The following ADCY7 variants were observed in gnomAD, a reference collection of about 807,000 sequenced individuals.
ADCY7 encodes the protein adenylate cyclase 7, also known as adenylate cyclase type 7.
A neutral mutation model predicts 120.6 loss-of-function variants in ADCY7; 72 were observed. The ratio of observed to expected loss-of-function variants is 0.60; its 90% CI spans 0.49 to 0.73. The LOEUF (loss-of-function observed/expected upper bound fraction) is 0.73. ADCY7 is among the 30% of genes least tolerant of loss of function. The pLI is 0.00. For synonymous variants in ADCY7, 661 were observed against 628.0 expected (o/e 1.05, Z -0.78); for missense variants, 1,227 against 1,486.0 (o/e 0.83, Z 2.87).
chr16:50,308,545 G>A (rs1046219035), intron 16 of ADCY7, 122 bp from the exon 17 acceptor site: 40 of 1,550,692 alleles, frequency 2.6e-5, no homozygotes, highest in Admixed American at 1.3e-4. Flanking sequence ...CTCCTGCCTC[G>A]GGGACAATTT....
chr16:50,268,655 G>T lies in ADCY7; in HGVS notation c.-269+1975G>T, dbSNP rs116894524. ...GAAGGTGGTATTGCAGAACATCTTT[G>T]CCAGGAGTAGGTCTGGGAGGTTTGC... On this transcript the variant is annotated intron_variant, in intron 1 of 25. Transcript: ENST00000673801. Among the ~76,000 whole-genome samples, 638 of 152,286 alleles carry T rather than the reference G, an allele frequency of 4.2e-3. 1 individual carries two copies. The highest frequency in any genetic ancestry group is 0.017 in the Middle Eastern group (5 of 294).
intron 1 of ADCY7, among the ~76,000 whole-genome samples, chr16:50,286,082 G>A (rs1454505970): frequency 6.6e-6 from 1 of 151,982 alleles, no homozygotes; most frequent in East Asian, 1.9e-4. Context: ...TCTGAAATTT[G>A]TATCAGTGGG....
At chr16:50,292,001 G>A (rs557687548) in intron 4 of ADCY7, 104 bp downstream of exon 4, 28 of 1,307,232 alleles carry the variant, frequency 2.1e-5, no homozygotes, top group Admixed American at 5.4e-5. Flanking sequence ...CCCCGGAGCC[G>A]TGTTTGCAGA....
upstream of ADCY7, among the ~76,000 whole-genome samples, chr16:50,265,880 C>T (rs1217431103): frequency 1.3e-5 from 2 of 152,212 alleles, no homozygotes; most frequent in African/African-American, 2.4e-5. Context: ...CGCCACTGAG[C>T]GCCCCATGAT....
chr16:50,244,901 C>G (rs1244456419), upstream of ADCY7, among the ~76,000 whole-genome samples: 1 of 149,058 alleles, frequency 6.7e-6, no homozygotes, highest in African/African-American at 2.5e-5. Flanking sequence ...AGCTGCCTGA[C>G]CAGCGCGGGA....
At chr16:50,251,646 C>T (rs961764533) in intron 1 of ADCY7, among the ~76,000 whole-genome samples, 2 of 152,258 alleles carry the variant, frequency 1.3e-5, no homozygotes, top group African/African-American at 2.4e-5. Context: ...AAGGCCTGTA[C>T]CCCTGGCCAC....
chr16:50,313,895 C>T, intron 22 of ADCY7, 63 bp from the exon 23 acceptor site: 2 of 1,402,880 alleles, frequency 1.4e-6, no homozygotes, highest in Non-Finnish European at 2.0e-6. Context: ...TCCTGAGAAG[C>T]AGGGGCAGCC....
intron 1 of ADCY7, among the ~76,000 whole-genome samples, chr16:50,285,420 G>A (rs553877278): frequency 2.0e-5 from 3 of 152,368 alleles, no homozygotes; most frequent in Non-Finnish European, 4.4e-5. Flanking sequence ...GTGGCTCCTG[G>A]AATTGAGGTG....
At chr16:50,287,060 A>C (rs1306911931) in intron 1 of ADCY7, among the ~76,000 whole-genome samples, 3 of 150,306 alleles carry the variant, frequency 2.0e-5, no homozygotes, top group African/African-American at 4.9e-5. Flanking sequence ...TCTGTTGCCC[A>C]GGCTGGATGC....
At position 50,308,435 on chromosome 16, in the gene ADCY7, C is replaced by T. The variant is rs201627210; in HGVS notation, c.1935+24C>T. ...CGGTAAGTGGGGAGCTCTGGCCCCG[C>T]GGGCCCTCCCTCCCTGCCTCAGGAC... On this transcript the variant is annotated intron_variant, in intron 16 of 25. Transcript: ENST00000673801. 2.2e-4 allele frequency: 357 copies of T among 1,613,614 alleles called. 2 individuals are homozygous for T. In the East Asian group the frequency reaches 3.5e-3, roughly 16 times the overall value.
chr16:50,294,621 CACCCTG>C lies in ADCY7; in HGVS notation c.837-18_837-13del. The C allele has an allele frequency of 4.2e-5, 57 of 1,341,728 alleles. No homozygotes were observed. The highest frequency in any genetic ancestry group is 1.9e-4 in the Middle Eastern group (1 of 5,314). 83.1% of individuals were successfully genotyped at this position (1,341,728 alleles called of 1,614,324 possible). A position where few individuals can be genotyped will look rare whatever the true frequency, so the allele number is the denominator to read the frequency against. ...GGAGCCTGGCTCTGACACTCCCTCC[CACCCTG>C]CCCCATCCCCAGCATCCTCTATGCG... is the stretch of plus-strand genomic sequence containing the variant. On this transcript the variant is annotated splice_polypyrimidine_tract_variant and intron_variant, in intron 6 of 25. Transcript: ENST00000673801.
intron 1 of ADCY7, among the ~76,000 whole-genome samples, chr16:50,283,430 C>T (rs908795520): frequency 2.6e-5 from 4 of 152,236 alleles, no homozygotes; most frequent in African/African-American, 9.6e-5. Context: ...AAGAGAACGC[C>T]TCTTTCCCTG....
intron 2 of ADCY7, chr16:50,289,352 C>T (rs1290884876): frequency 2.2e-6 from 1 of 445,802 alleles, no homozygotes; most frequent in Admixed American, 2.4e-5. Context: ...TCCTTTTTAA[C>T]ACAGCTCTCC....
intron 18 of ADCY7, 150 bp from the exon 19 acceptor site, chr16:50,310,537 A>G: frequency 6.5e-7 from 1 of 1,545,164 alleles, no homozygotes; most frequent in African/African-American, 1.4e-5. Flanking sequence ...GGACACTCTT[A>G]GGTCTCATTG....
At chr16:50,303,348 G>A (rs548568297) in intron 10 of ADCY7, among the ~76,000 whole-genome samples, 28 of 152,244 alleles carry the variant, frequency 1.8e-4, no homozygotes, top group Middle Eastern at 3.2e-3. Context: ...GGAGGTGAGA[G>A]GTTTCCAGGA....
upstream of ADCY7, among the ~76,000 whole-genome samples, chr16:50,261,833 G>A (rs915826896): frequency 1.3e-5 from 2 of 152,216 alleles, no homozygotes; most frequent in Admixed American, 1.3e-4. Flanking sequence ...GGCGACAAGT[G>A]GCCAGCCCAA....
chr16:50,301,250 C>A (rs372662079), intron 10 of ADCY7, 36 bp downstream of exon 10: 1 of 1,551,804 alleles, frequency 6.4e-7, no homozygotes, highest in East Asian at 2.4e-5. Flanking sequence ...GGGGGGGACC[C>A]GGAGGGACTG....
chr16:50,312,199 G>A lies in ADCY7; in HGVS notation c.2604+8G>A, dbSNP rs1261032990. On this transcript the variant is annotated splice_region_variant and intron_variant, in intron 21 of 25. Transcript: ENST00000673801. Reference sequence around the variant, plus strand: ...GGTGACAAGTTAAACGAGGTGTGCTGAGAAGGGGCTGGGGCGGGGGCAGGG... The same window carrying A: ...GGTGACAAGTTAAACGAGGTGTGCTAAGAAGGGGCTGGGGCGGGGGCAGGG... The A allele has an allele frequency of 2.1e-5, 34 of 1,604,004 alleles. No individual in the cohort carries two copies. The highest frequency in any genetic ancestry group is 3.4e-5 in the Admixed American group (2 of 58,348).
At chr16:50,261,924 C>T (rs749234370), upstream of ADCY7, among the ~76,000 whole-genome samples, 1 of 152,168 alleles carries the variant, frequency 6.6e-6, no homozygotes, top group Non-Finnish European at 1.5e-5. Flanking sequence ...GTGGCATGGA[C>T]GGTGGTTTTT....
Sources: gnomAD v4.1 joint callset for allele counts (sites outside exome capture counted in the v4.1 genomes callset) on GRCh38, gnomAD v4.1.1 for gene constraint, MANE v1.5 for transcripts, NCBI Gene and HGNC (gene_info 2026-07-23, HGNC 2026-07-21) for gene names.